Variants in DLEC1 observed in about 807,000 individuals in gnomAD.
The protein encoded by DLEC1 is deleted in lung and esophageal cancer protein 1.
Under a neutral mutation model 198.1 loss-of-function variants are expected in DLEC1, and 146 were observed. That is an observed-to-expected ratio of 0.74 (90% CI 0.64 to 0.85). DLEC1 has a LOEUF of 0.85. DLEC1 is among the 40% of genes least tolerant of loss of function. DLEC1 has a pLI of 0.00. For missense variants in DLEC1, 2,233 were observed against 2,220.0 expected (o/e 1.01, Z -0.12); for synonymous variants, 897 against 866.8 (o/e 1.03, Z -0.61).
chr3:38,120,963 C>T (rs1007370814), intron 34 of DLEC1, among the ~76,000 whole-genome samples: 1 of 152,236 alleles, frequency 6.6e-6, no homozygotes, highest in African/African-American at 2.4e-5. Flanking sequence ...GCACCTGAAG[C>T]AGCTGCGAAG....
chr3:38,086,492 TG>T, intron 9 of DLEC1, 115 bp downstream of exon 9: 2 of 1,395,932 alleles, frequency 1.4e-6, no homozygotes, highest in Non-Finnish European at 1.9e-6. Flanking sequence ...CGCAGAGTGT[TG>T]TAAACTCTCT....
Position 38,094,908 on chromosome 3 carries a change from T to A in DLEC1, c.1949T>A (p.Ile650Asn). 6.2e-7 allele frequency: 1 copy of A among 1,614,128 alleles called. No individual in the cohort carries two copies. The highest frequency in any genetic ancestry group is 8.5e-7 in the Non-Finnish European group (1 of 1,180,002). The change falls in exon 13 of 37, where the codon ATC becomes AAC. Residue 650 changes from isoleucine to asparagine, a missense_variant. Transcript: ENST00000308059. ...THVELAFYWQ[I>N]MKPNLQPLMP... is the part of the protein sequence containing the mutation. ...GTGGAGCTGGCCTTCTACTGGCAGATCATGAAGCCCAACCTGCAGCCCCTC... is the reference window on the plus strand; with the variant it reads ...GTGGAGCTGGCCTTCTACTGGCAGAACATGAAGCCCAACCTGCAGCCCCTC...
At chr3:38,110,845 T>C (rs1304437787) in intron 23 of DLEC1, among the ~76,000 whole-genome samples, 2 of 151,552 alleles carry the variant, frequency 1.3e-5, no homozygotes, top group Non-Finnish European at 1.5e-5. Context: ...CATACACACA[T>C]ACACACATGC....
In DLEC1 at chr3:38,109,623, C is replaced by T. The variant is rs889481690; in HGVS notation, c.3260+61C>T. ...GACTGAGGAATGAGGCAGCCGCGCCCAGGACCAGCACGGCACTGTGGTATC... is the reference window on the plus strand; with the variant it reads ...GACTGAGGAATGAGGCAGCCGCGCCTAGGACCAGCACGGCACTGTGGTATC... On this transcript the variant is annotated intron_variant, in intron 22 of 36. Transcript: ENST00000308059. The T allele has an allele frequency of 3.1e-6, 5 of 1,608,960 alleles. No individual in the cohort carries two copies. The African/African-American group carries it at 4.0e-5, about 13-fold the overall frequency.
At chr3:38,046,079 G>T (rs1700873989) in intron 2 of DLEC1, among the ~76,000 whole-genome samples, 1 of 152,216 alleles carries the variant, frequency 6.6e-6, no homozygotes, top group South Asian at 2.1e-4. Context: ...GGAGGTAAAG[G>T]AAGACAAAGG....
Position 38,059,736 on chromosome 3 carries a change from A to G in DLEC1, c.563-6A>G, listed in dbSNP as rs767255188. The G allele has an allele frequency of 5.0e-6, 8 of 1,606,574 alleles. No homozygotes were observed. The South Asian group carries it at 6.6e-5, about 13-fold the overall frequency. ...ACACCTTGTTCTCCCCTTCCCTTCT[A>G]TGAAGTGAAGAGTGTCTCCAGATGG... On this transcript the variant is annotated splice_polypyrimidine_tract_variant and splice_region_variant and intron_variant, in intron 2 of 36. Coordinates refer to ENST00000308059, the MANE Select transcript of DLEC1 (RefSeq NM_007335.4).
At chr3:38,116,412 TC>T in intron 27 of DLEC1, 40 bp from the exon 28 acceptor site, 1 of 1,609,654 alleles carries the variant, frequency 6.2e-7, no homozygotes, top group East Asian at 2.2e-5. Flanking sequence ...GGTTGTCTGC[TC>T]CTCCCTTATT....
chr3:38,104,192 C>T (rs1489419854), intron 19 of DLEC1, among the ~76,000 whole-genome samples: 1 of 152,204 alleles, frequency 6.6e-6, no homozygotes, highest in Non-Finnish European at 1.5e-5. Context: ...CACAGTGGCT[C>T]ATGACTGTAA....
Position 38,116,556 on chromosome 3 carries a change from C to T in DLEC1, c.3960C>T (p.Ala1320=), listed in dbSNP as rs556875319. Residue 1320 remains alanine, a synonymous_variant, in exon 28 of 37, where the codon GCC becomes GCT. Coordinates refer to ENST00000308059, the MANE Select transcript of DLEC1 (RefSeq NM_007335.4). ...CACCTTTCCCGCTGCGGGACCAAGC[C>T]GGGAATGAGCTTGTGTGCCCTGATA... ...YGPPFPLRDQ[A]GNELVCPDTP... is the part of the protein sequence containing the mutation. 32 of 1,614,122 alleles carry T rather than the reference C, an allele frequency of 2.0e-5. No homozygotes were observed. The East Asian group carries it at 3.3e-4, about 17-fold the overall frequency.
chr3:38,120,418 G>A (rs1235919932), intron 33 of DLEC1, 30 bp from the exon 34 acceptor site: 30 of 1,610,714 alleles, frequency 1.9e-5, no homozygotes, highest in South Asian at 2.2e-5. Flanking sequence ...CTCTGCAGCC[G>A]GAGTTGACAC....
chr3:38,117,150 G>T, intron 30 of DLEC1, 50 bp downstream of exon 30: 1 of 1,614,052 alleles, frequency 6.2e-7, no homozygotes, highest in Non-Finnish European at 8.5e-7. Flanking sequence ...CTCCCTCCTG[G>T]GTAGCATGCT....
chr3:38,059,275 C>T (rs891717549), intron 2 of DLEC1, among the ~76,000 whole-genome samples: 3 of 152,196 alleles, frequency 2.0e-5, no homozygotes, highest in African/African-American at 7.2e-5. Flanking sequence ...ACAATAATGG[C>T]AAAGCCACAA....
intron 1 of DLEC1, among the ~76,000 whole-genome samples, chr3:38,044,271 A>C (rs1031010843): frequency 2.0e-5 from 3 of 152,074 alleles, no homozygotes; most frequent in Admixed American, 2.0e-4. Flanking sequence ...TAAGAAAGGA[A>C]AATAAGACTG....
intron 6 of DLEC1, among the ~76,000 whole-genome samples, chr3:38,081,906 C>T (rs1289515292): frequency 7.2e-6 from 1 of 138,206 alleles, no homozygotes; most frequent in Non-Finnish European, 1.6e-5. Flanking sequence ...CCCCCCCCCA[C>T]CTCCCTCCCG....
At chr3:38,078,364 C>T (rs954430463) in intron 6 of DLEC1, among the ~76,000 whole-genome samples, 19 of 152,286 alleles carry the variant, frequency 1.2e-4, no homozygotes, top group East Asian at 1.9e-4. Flanking sequence ...AGCCGCTGCA[C>T]GCAGACATGA....
At position 38,095,944 on chromosome 3, in the gene DLEC1, A is replaced by G; in HGVS notation, c.2169A>G (p.Val723=). 6.2e-7 allele frequency: 1 copy of G among 1,613,550 alleles called. No homozygotes were observed. Among genetic ancestry groups the G allele is most frequent in the Non-Finnish European group, 8.5e-7 (1 of 1,179,960 alleles). ...QMVLEEVPEP[V]SSEAESLGHS... is the part of the protein sequence containing the mutation. Reference sequence around the variant, plus strand: ...TGCTAGAGGAAGTCCCAGAGCCTGTAAGGTGAGAGAAACTGGGCCCTGGAT... The same window carrying G: ...TGCTAGAGGAAGTCCCAGAGCCTGTGAGGTGAGAGAAACTGGGCCCTGGAT... The change falls in exon 14 of 37, where the codon GTA becomes GTG. Residue 723 remains valine (V), a splice_region_variant and synonymous_variant. Coordinates refer to ENST00000308059, the MANE Select transcript of DLEC1 (RefSeq NM_007335.4).
chr3:38,086,011 C>T (rs1020262419), intron 8 of DLEC1, among the ~76,000 whole-genome samples: 1 of 152,198 alleles, frequency 6.6e-6, no homozygotes, highest in Non-Finnish European at 1.5e-5. Context: ...GCTGCTCTAG[C>T]CAGGAGTGAA....
intron 6 of DLEC1, among the ~76,000 whole-genome samples, chr3:38,068,231 T>TA (rs1228974013): frequency 1.3e-3 from 200 of 151,946 alleles, no homozygotes; most frequent in African/African-American, 4.6e-3. Context: ...TTCTTTTTTT[T>TA]TAAAACCTTT....
At position 38,112,456 on chromosome 3, in the gene DLEC1, C is replaced by A; in HGVS notation, c.3666+95C>A. ...TCCCCTCCAACACCTGGCCCTCAGACTCTCAAACCTCACCAGGTTGAAACG... is the reference window on the plus strand; with the variant it reads ...TCCCCTCCAACACCTGGCCCTCAGAATCTCAAACCTCACCAGGTTGAAACG... On this transcript the variant is annotated intron_variant, in intron 25 of 36. Coordinates refer to ENST00000308059, the MANE Select transcript of DLEC1 (RefSeq NM_007335.4). This position sits in a 1 kb window ranked among gnomAD's most constrained non-coding sequence, Gnocchi z 4.8. The A allele has an allele frequency of 6.5e-7, 1 of 1,542,428 alleles. No individual in the cohort carries two copies. Among genetic ancestry groups the A allele is most frequent in the Non-Finnish European group, 8.8e-7 (1 of 1,131,392 alleles).
Sources: allele counts gnomAD v4.1 joint callset (sites outside exome capture counted in the v4.1 genomes callset), GRCh38; gene constraint gnomAD v4.1.1; non-coding constraint Gnocchi (gnomAD v3.1); transcripts MANE v1.5; gene names NCBI Gene and HGNC (gene_info 2026-07-23, HGNC 2026-07-21).